AOAH: variants seen among roughly 807,000 people sequenced by gnomAD.
AOAH encodes the protein acyloxyacyl hydrolase.
AOAH carries 64 observed loss-of-function variants against 92.2 expected under a neutral mutation model. That is an observed-to-expected ratio of 0.69 (90% CI 0.57 to 0.86). The LOEUF (loss-of-function observed/expected upper bound fraction) is 0.86, where lower values mean the gene tolerates loss of function less well. Ranked by LOEUF, AOAH falls within the 40% of genes least tolerant of loss-of-function variation. AOAH has a pLI of 0.00. For missense variants in AOAH, 656 were observed against 694.6 expected (o/e 0.94, Z 0.62); for synonymous variants, 263 against 254.5 (o/e 1.03, Z -0.32).
intron 19 of AOAH, among the ~76,000 whole-genome samples, chr7:36,523,359 C>A (rs1013714843): frequency 2.0e-5 from 3 of 152,226 alleles, no homozygotes; most frequent in Admixed American, 6.5e-5. Context: ...TGGTGTCCGC[C>A]ACACAGAGTC....
Position 36,724,299 on chromosome 7 carries a change from T to C in AOAH, c.-151A>G. 1.3e-6 allele frequency: 1 copy of C among 799,320 alleles called. No individual in the cohort carries two copies. Among genetic ancestry groups the C allele is most frequent in the Non-Finnish European group, 2.0e-6 (1 of 511,896 alleles). The allele number at this position is 799,320 out of a possible 1,614,324, so 49.5% of individuals were successfully genotyped here. On this transcript the variant is annotated 5_prime_UTR_variant, in exon 1 of 21. Coordinates refer to ENST00000617537, the MANE Select transcript of AOAH (RefSeq NM_001637.4). The stretch of plus-strand genomic sequence containing the variant: ...CACCCCACCCTCTCACATACACACT[T>C]TTCAATAAGTGTGAAGTGAATAAAA...
intron 7 of AOAH, among the ~76,000 whole-genome samples, chr7:36,622,136 GTGTT>G (rs1413912214): frequency 6.6e-6 from 1 of 152,096 alleles, no homozygotes; most frequent in Non-Finnish European, 1.5e-5. Context: ...ATGCATGTGT[GTGTT>G]TATGTGTATT....
intron 13 of AOAH, among the ~76,000 whole-genome samples, chr7:36,559,153 A>G (rs1381555574): frequency 6.6e-6 from 1 of 152,194 alleles, no homozygotes; most frequent in Non-Finnish European, 1.5e-5. Context: ...ATCCACTGTT[A>G]TGGGCATCTA....
At chr7:36,583,705 AT>A (rs1304671033) in intron 12 of AOAH, among the ~76,000 whole-genome samples, 1 of 152,226 alleles carries the variant, frequency 6.6e-6, no homozygotes, top group African/African-American at 2.4e-5. Flanking sequence ...CTTCATAGGC[AT>A]TGTGTTCAAT....
intron 3 of AOAH, among the ~76,000 whole-genome samples, chr7:36,672,944 T>A (rs189756066): frequency 6.6e-6 from 1 of 152,122 alleles, no homozygotes; most frequent in African/African-American, 2.4e-5. Flanking sequence ...ATAATAAAAC[T>A]ATAGAAAAAC....
chr7:36,643,773 T>G lies in AOAH; in HGVS notation c.391-5863A>C, dbSNP rs112689933. Among the ~76,000 whole-genome samples the G allele has an allele frequency of 6.5e-3, 995 of 152,140 alleles. 12 individuals are homozygous for G. The highest frequency in any genetic ancestry group is 0.023 in the African/African-American group (955 of 41,496). ...GATTTCCCCCTTGCCCTTCTCATGA[T>G]AGTGGGTGAGTTCTCATGAGATCTG... On this transcript the variant is annotated intron_variant, in intron 4 of 20. Coordinates refer to ENST00000617537, the MANE Select transcript of AOAH (RefSeq NM_001637.4).
chr7:36,714,237 T>C (rs2116991264), intron 1 of AOAH, among the ~76,000 whole-genome samples: 1 of 152,284 alleles, frequency 6.6e-6, no homozygotes, highest in Admixed American at 6.5e-5. Context: ...AAGAAATGGA[T>C]AAATTCCTCA....
At chr7:36,579,167 T>G (rs1327812712) in intron 12 of AOAH, among the ~76,000 whole-genome samples, 1 of 149,938 alleles carries the variant, frequency 6.7e-6, no homozygotes, top group Non-Finnish European at 1.5e-5. Flanking sequence ...TAAAACTGCT[T>G]AAAAAAAAAA....
At position 36,683,308 on chromosome 7, in the gene AOAH, T is replaced by C. The variant is rs1365526722; in HGVS notation, c.223+3391A>G. ...TGAGCCCTTCTGGAGGAATGAACTT[T>C]AGACAACAATTCAACTAGAGAGAGA... On this transcript the variant is annotated intron_variant, in intron 2 of 20. Transcript: ENST00000617537. Among the ~76,000 whole-genome samples, 6 of 152,166 alleles carry C rather than the reference T, an allele frequency of 3.9e-5. No homozygotes were observed. In the South Asian group the frequency reaches 8.3e-4, roughly 21 times the overall value.
chr7:36,558,094 T>C (rs1299782494), intron 13 of AOAH, among the ~76,000 whole-genome samples: 1 of 152,174 alleles, frequency 6.6e-6, no homozygotes, highest in Non-Finnish European at 1.5e-5. Flanking sequence ...TTCTGCTCTG[T>C]TTTTTCCCCA....
chr7:36,616,244 A>C (rs1039688528), intron 11 of AOAH, 136 bp downstream of exon 11: 7 of 698,890 alleles, frequency 1.0e-5, no homozygotes, highest in East Asian at 2.7e-5. Flanking sequence ...ATGACTGTGG[A>C]TATGCCTTTC....
chr7:36,568,277 C>G (rs1009960524), intron 13 of AOAH, among the ~76,000 whole-genome samples: 1 of 152,210 alleles, frequency 6.6e-6, no homozygotes, highest in Non-Finnish European at 1.5e-5. Flanking sequence ...CTTCCTGGTA[C>G]AGGGAGCGGG....
At chr7:36,594,047 C>T (rs1229004897) in intron 12 of AOAH, among the ~76,000 whole-genome samples, 1 of 151,900 alleles carries the variant, frequency 6.6e-6, no homozygotes, top group Non-Finnish European at 1.5e-5. Flanking sequence ...AATAAGTAAA[C>T]TTTGTTTTTC....
In AOAH at chr7:36,616,413, A is replaced by C. The variant is rs779958834; in HGVS notation, c.813T>G (p.Ser271=). 1 of 1,614,120 alleles carries C rather than the reference A, an allele frequency of 6.2e-7. No homozygotes were observed. The highest frequency in any genetic ancestry group is 2.2e-5 in the East Asian group (1 of 44,890). Residue 271 remains serine (S), a synonymous_variant, in exon 11 of 21, where the codon TCT becomes TCG. Coordinates refer to ENST00000617537, the MANE Select transcript of AOAH (RefSeq NM_001637.4). The part of the protein sequence containing the change: ...GDSAGAHFHI[S]PEWITASQMS... ...TCTGCGACGCTGTGATCCATTCAGG[A>C]GAGATGTGAAAATGAGCCCCAGCTG...
chr7:36,555,779 G>T (rs1274776165), intron 13 of AOAH, among the ~76,000 whole-genome samples: 1 of 152,212 alleles, frequency 6.6e-6, no homozygotes, highest in Non-Finnish European at 1.5e-5. Flanking sequence ...GCGTAGAGGT[G>T]TTTGTAGTAA....
intron 8 of AOAH, among the ~76,000 whole-genome samples, chr7:36,621,424 T>C (rs1167727224): frequency 6.6e-6 from 1 of 152,228 alleles, no homozygotes; most frequent in Non-Finnish European, 1.5e-5. Context: ...CACTTGATTG[T>C]TTTTCCCACT....
At chr7:36,678,604 C>CGT (rs1554314424) in intron 2 of AOAH, among the ~76,000 whole-genome samples, 1 of 95,658 alleles carries the variant, frequency 1.0e-5, no homozygotes, top group South Asian at 3.8e-4. Flanking sequence ...TGTGTGTGCG[C>CGT]GCGCGCGCGC....
intron 2 of AOAH, among the ~76,000 whole-genome samples, chr7:36,682,154 G>C (rs1265771180): frequency 6.6e-6 from 1 of 152,260 alleles, no homozygotes; most frequent in Non-Finnish European, 1.5e-5. Flanking sequence ...TTAGTGGCTA[G>C]AGTCATCTGG....
At chr7:36,582,850 CT>C (rs35810774) in intron 12 of AOAH, among the ~76,000 whole-genome samples, 178 of 146,546 alleles carry the variant, frequency 1.2e-3, no homozygotes, top group Middle Eastern at 3.5e-3. Context: ...TAGTCAGTGT[CT>C]TTTTTTTTTT....
Sources: gnomAD v4.1 joint callset for allele counts (sites outside exome capture counted in the v4.1 genomes callset) on GRCh38, gnomAD v4.1.1 for gene constraint, MANE v1.5 for transcripts, NCBI Gene and HGNC (gene_info 2026-07-23, HGNC 2026-07-21) for gene names.